The following MX2 variants were observed in gnomAD, a reference collection of about 807,000 sequenced individuals.
The protein encoded by MX2 is interferon-induced GTP-binding protein Mx2.
In MX2, 51 loss-of-function variants were observed where a neutral mutation model predicts 74.0. That is an observed-to-expected ratio of 0.69 (90% CI 0.55 to 0.87). The LOEUF (loss-of-function observed/expected upper bound fraction) is 0.87, where lower values mean the gene tolerates loss of function less well. Among genes scored for constraint, MX2 ranks in the 40% least tolerant of loss-of-function variants. MX2 has a pLI of 0.00. For synonymous variants in MX2, 369 were observed against 339.3 expected (o/e 1.09, Z -0.96); for missense variants, 832 against 908.7 (o/e 0.92, Z 1.09).
intron 1 of MX2, chr21:41,373,978 CTGAGCAGGCGCAGCAGCCCTGCCCT>C (rs2089362773): frequency 6.6e-6 from 1 of 152,404 alleles, no homozygotes; most frequent in African/African-American, 2.4e-5. Context: ...TGCTCTCAGC[CTGAGCAGGCGCAGCAGCCCTGCCCT>C]CCCAAGAAAG....
intron 1 of MX2, among the ~76,000 whole-genome samples, chr21:41,370,826 T>C (rs1242382030): frequency 1.3e-5 from 2 of 152,232 alleles, no homozygotes; most frequent in East Asian, 1.9e-4. Flanking sequence ...AGAATACTTA[T>C]TCTATGGATC....
chr21:41,391,413 G>A (rs1273989166), intron 6 of MX2, among the ~76,000 whole-genome samples: 1 of 146,902 alleles, frequency 6.8e-6, no homozygotes, highest in African/African-American at 2.6e-5. Flanking sequence ...TTGAGACAGA[G>A]TTTCACTCTA....
chr21:41,386,392 A>G (rs1024512553), intron 5 of MX2, among the ~76,000 whole-genome samples: 2 of 152,210 alleles, frequency 1.3e-5, no homozygotes, highest in African/African-American at 4.8e-5. Flanking sequence ...AAACTGCATG[A>G]GAGAACAGGG....
At chr21:41,372,467 G>A (rs933430647) in intron 1 of MX2, among the ~76,000 whole-genome samples, 5 of 152,154 alleles carry the variant, frequency 3.3e-5, no homozygotes, top group African/African-American at 1.2e-4. Context: ...TTTTCTTTCT[G>A]AAAGTTTGGT....
intron 4 of MX2, among the ~76,000 whole-genome samples, chr21:41,382,022 C>G (rs1466925668): frequency 6.6e-6 from 1 of 152,178 alleles, no homozygotes; most frequent in East Asian, 1.9e-4. Context: ...GAAACAAGCC[C>G]CTATGTCCAG....
intron 5 of MX2, 54 bp from the exon 6 acceptor site, chr21:41,390,511 G>C: frequency 6.2e-7 from 1 of 1,609,018 alleles, no homozygotes; most frequent in Non-Finnish European, 8.5e-7. Context: ...CCGTGCTGCT[G>C]AGTGACCAGA....
Position 41,377,035 on chromosome 21 carries a change from G to A in MX2, c.129G>A (p.Met43Ile), listed in dbSNP as rs766658363. The A allele has an allele frequency of 1.2e-5, 20 of 1,614,130 alleles. No individual in the cohort carries two copies. Among genetic ancestry groups the A allele is most frequent in the South Asian group, 5.5e-5 (5 of 91,094 alleles). ...PPPFGTVPPQ[M>I]MFPPNWQGAE... ...CATTCGGCACAGTGCCACCACAAATGATGTTTCCTCCAAACTGGCAGGGGG... is the reference window on the plus strand; with the variant it reads ...CATTCGGCACAGTGCCACCACAAATAATGTTTCCTCCAAACTGGCAGGGGG... The change falls in exon 2 of 14, where the codon ATG becomes ATA. Residue 43 changes from methionine (M) to isoleucine (I), a missense_variant. Transcript: ENST00000330714.
rs190527990 is a variant in MX2 at position 41,375,255 on chromosome 21, G to A, written c.-71-1581G>A. 3.7e-3 allele frequency among the ~76,000 whole-genome samples: 571 copies of A among 152,340 alleles called. 5 individuals carry two copies. The highest frequency in any genetic ancestry group is 0.01 in the Middle Eastern group (3 of 294). On this transcript the variant is annotated intron_variant, in intron 1 of 13. Transcript: ENST00000330714. ...TATTTGTTTTGGCATTTCCCTGCTA[G>A]GATGGTGTGCCAGGAGTGAGGGCTT...
At chr21:41,371,342 T>C (rs1254501569) in intron 1 of MX2, among the ~76,000 whole-genome samples, 4 of 152,170 alleles carry the variant, frequency 2.6e-5, no homozygotes, top group African/African-American at 9.7e-5. Flanking sequence ...TACTGACTCT[T>C]GAGTACTTGG....
chr21:41,379,578 C>A (rs1017999220), intron 3 of MX2, among the ~76,000 whole-genome samples: 1 of 152,178 alleles, frequency 6.6e-6, no homozygotes, highest in Non-Finnish European at 1.5e-5. Flanking sequence ...TCCCCCACCC[C>A]CCACACTAAC....
At chr21:41,403,053 C>G (rs2089834516) in intron 11 of MX2, 1 of 524,138 alleles carries the variant, frequency 1.9e-6, no homozygotes, top group African/African-American at 1.9e-5. Context: ...GGGAAATGGA[C>G]AGGACCTGCC....
intron 12 of MX2, among the ~76,000 whole-genome samples, 194 bp from the exon 13 acceptor site, chr21:41,406,550 G>A (rs1226564478): frequency 6.6e-5 from 10 of 152,222 alleles, no homozygotes; most frequent in Admixed American, 2.6e-4. Context: ...CAAGTGGGGA[G>A]TGAGGAAACC....
In MX2 at chr21:41,403,340, T is replaced by A; in HGVS notation, c.1647T>A (p.Val549=). ...AATTTTTCAACCTTAACCAAACTGTTCAGGTAAGCACCCAGAGTTCACTTG... is the reference window on the plus strand; with the variant it reads ...AATTTTTCAACCTTAACCAAACTGTACAGGTAAGCACCCAGAGTTCACTTG... The part of the protein sequence containing the change: ...FGEFFNLNQT[V]QSTIEDIKVK... Residue 549 remains valine (V), a synonymous_variant, in exon 12 of 14, where the codon GTT becomes GTA. Coordinates refer to ENST00000330714, the MANE Select transcript of MX2 (RefSeq NM_002463.2). 1.2e-6 allele frequency: 2 copies of A among 1,612,832 alleles called. No individual in the cohort carries two copies. The highest frequency in any genetic ancestry group is 1.1e-5 in the South Asian group (1 of 91,054).
intron 10 of MX2, 82 bp downstream of exon 10, chr21:41,399,419 C>A: frequency 6.9e-7 from 1 of 1,454,948 alleles, no homozygotes; most frequent in Non-Finnish European, 9.4e-7. Context: ...GATAAGTGTG[C>A]CAAGAGTGGA....
At chr21:41,373,323 C>T (rs1856481869) in intron 1 of MX2, among the ~76,000 whole-genome samples, 1 of 152,202 alleles carries the variant, frequency 6.6e-6, no homozygotes, top group Non-Finnish European at 1.5e-5. Flanking sequence ...AGGGGGGTGT[C>T]TGCCAGGCCC....
chr21:41,393,205 T>C lies in MX2; in HGVS notation c.872-2382T>C, dbSNP rs146861916. Among the ~76,000 whole-genome samples, 271 of 148,762 alleles carry C rather than the reference T, an allele frequency of 1.8e-3. 1 individual carries two copies. The highest frequency in any genetic ancestry group is 6.3e-3 in the African/African-American group (256 of 40,438). The stretch of plus-strand genomic sequence containing the variant: ...TTCCAAAGGATGAGAATAGAGCAAA[T>C]TTGATTATAATATAACAGTGGCTTA... On this transcript the variant is annotated intron_variant, in intron 6 of 13. Transcript: ENST00000330714.
Position 41,406,990 on chromosome 21 carries a change from T to A in MX2, c.1897T>A (p.Tyr633Asn). The A allele has an allele frequency of 6.2e-7, 1 of 1,611,448 alleles. No individual in the cohort carries two copies. The highest frequency in any genetic ancestry group is 8.5e-7 in the Non-Finnish European group (1 of 1,177,650). Residue 633 changes from tyrosine (Y) to asparagine (N), a missense_variant, in exon 13 of 14, where the codon TAC (tyrosine) becomes AAC (asparagine). Physicochemically the swap from Tyr to Asn is moderately radical, Grantham distance 143. Transcript: ENST00000330714. ...TGAAATAGGCATCCACCTGAATGCC[T>A]ACTTCTTGGTGAGTTCCCGGCGGGG... The part of the protein sequence containing the change: ...FTEIGIHLNA[Y>N]FLETSKRLAN...
chr21:41,389,494 C>G (rs2145921442), intron 5 of MX2: 1 of 152,332 alleles, frequency 6.6e-6, no homozygotes, highest in South Asian at 2.1e-4. Context: ...GCACTCCAGC[C>G]TGGGCAGCAG....
intron 6 of MX2, among the ~76,000 whole-genome samples, chr21:41,393,120 A>AAAAAAAAAAAAG (rs1321666960): frequency 7.0e-6 from 1 of 143,534 alleles, no homozygotes; most frequent in East Asian, 2.0e-4. Context: ...CAAAAAAAAA[A>AAAAAAAAAAAAG]AAAAAAAAAA....
Sources: allele counts gnomAD v4.1 joint callset (sites outside exome capture counted in the v4.1 genomes callset), GRCh38; gene constraint gnomAD v4.1.1; transcripts MANE v1.5; gene names NCBI Gene and HGNC (gene_info 2026-07-23, HGNC 2026-07-21).